ZFHX3: variants seen among roughly 807,000 people sequenced by gnomAD.
The protein encoded by ZFHX3 is zinc finger homeobox protein 3.
In ZFHX3, 42 loss-of-function variants were observed where a neutral mutation model predicts 279.1. The ratio of observed to expected loss-of-function variants is 0.15; its 90% confidence interval spans 0.12 to 0.19. The LOEUF (loss-of-function observed/expected upper bound fraction) is 0.19, where lower values mean the gene tolerates loss of function less well. Among genes scored for constraint, ZFHX3 ranks in the 10% least tolerant of loss-of-function variants. The probability of loss-of-function intolerance (pLI) is 1.00; values close to 1 mark genes in which losing one functional copy is unlikely to be tolerated. For missense variants in ZFHX3, 4,981 were observed against 4,754.0 expected, an observed-to-expected ratio of 1.05 and a Z score of -1.40; for synonymous variants, 2,293 against 1,957.8, an observed-to-expected ratio of 1.17 and a Z score of -4.52.
intron 3 of ZFHX3, among the ~76,000 whole-genome samples, chr16:72,945,864 G>A (rs1960644235): frequency 6.6e-6 from 1 of 151,888 alleles, no homozygotes; most frequent in Non-Finnish European, 1.5e-5. Context: ...AGGCCTCCAG[G>A]CACCACCTAC....
intron 8 of ZFHX3, among the ~76,000 whole-genome samples, chr16:73,089,755 C>T (rs1222915345): frequency 6.6e-6 from 1 of 152,214 alleles, no homozygotes; most frequent in Non-Finnish European, 1.5e-5. Context: ...GACCTGCAGG[C>T]TTTACTAATG....
intron 2 of ZFHX3, among the ~76,000 whole-genome samples, chr16:73,495,199 C>T (rs2019122183): frequency 6.6e-6 from 1 of 152,184 alleles, no homozygotes; most frequent in South Asian, 2.1e-4. Flanking sequence ...TGATCTAATG[C>T]ATAACCTGAT....
chr16:73,010,315 C>T (rs1963871138), intron 1 of ZFHX3, among the ~76,000 whole-genome samples: 1 of 152,160 alleles, frequency 6.6e-6, no homozygotes, highest in Admixed American at 6.5e-5. Flanking sequence ...GCACCGTTCC[C>T]CATTCATCCC....
At chr16:73,568,298 A>G (rs1420789828) in intron 2 of ZFHX3, among the ~76,000 whole-genome samples, 1 of 152,146 alleles carries the variant, frequency 6.6e-6, no homozygotes, top group Non-Finnish European at 1.5e-5. Context: ...TTTTCAGAAA[A>G]CAGTTTTAAG....
chr16:73,266,212 C>G lies in ZFHX3; in HGVS notation c.-1193-9076G>C, dbSNP rs111486165. 1.7e-3 allele frequency among the ~76,000 whole-genome samples: 265 copies of G among 152,278 alleles called. 2 individuals are homozygous for G. Among genetic ancestry groups the G allele is most frequent in the African/African-American group, 6.1e-3 (253 of 41,552 alleles). Reference sequence around the variant, plus strand: ...GCCTGTATCCAGTGGGCAGTTGCGACTGGGTTCTTTTCTCAATTCTAGTAT... The same window carrying G: ...GCCTGTATCCAGTGGGCAGTTGCGAGTGGGTTCTTTTCTCAATTCTAGTAT... On this transcript the variant is annotated intron_variant, in intron 4 of 17. Transcript: ENST00000641206.
chr16:72,956,554 C>T (rs2106260), intron 2 of ZFHX3, among the ~76,000 whole-genome samples: 350 of 152,266 alleles, frequency 2.3e-3, no homozygotes, highest in Non-Finnish European at 4.0e-3. Context: ...AAATCCTACA[C>T]TCTTGGTCCT....
At chr16:73,436,128 G>A (rs970605688) in intron 3 of ZFHX3, among the ~76,000 whole-genome samples, 2 of 152,226 alleles carry the variant, frequency 1.3e-5, no homozygotes, top group African/African-American at 4.8e-5. Flanking sequence ...TTGGGAGTTT[G>A]AGGCCAGCCT....
intron 7 of ZFHX3, among the ~76,000 whole-genome samples, chr16:73,116,691 A>C (rs1451107552): frequency 1.3e-5 from 2 of 152,208 alleles, no homozygotes; most frequent in African/African-American, 4.8e-5. Flanking sequence ...TTTTCCAGCA[A>C]GAAGTCAAAG....
intron 2 of ZFHX3, among the ~76,000 whole-genome samples, chr16:73,630,528 C>G (rs2052458719): frequency 6.6e-6 from 1 of 152,168 alleles, no homozygotes; most frequent in Non-Finnish European, 1.5e-5. Context: ...CAACTCCATA[C>G]TTAGGAAAGG....
At chr16:73,784,544 C>T (rs1364537374) in intron 1 of ZFHX3, among the ~76,000 whole-genome samples, 5 of 151,792 alleles carry the variant, frequency 3.3e-5, no homozygotes, top group African/African-American at 7.3e-5. Context: ...GTCAAGAGAT[C>T]GAGACAATCC....
intron 1 of ZFHX3, among the ~76,000 whole-genome samples, chr16:73,823,612 C>A (rs1160310264): frequency 1.3e-5 from 2 of 152,184 alleles, no homozygotes; most frequent in Admixed American, 1.3e-4. Flanking sequence ...TGAAATACAG[C>A]CACGCCCATT....
At chr16:73,212,717 T>G (rs1183306771) in intron 5 of ZFHX3, among the ~76,000 whole-genome samples, 5 of 152,206 alleles carry the variant, frequency 3.3e-5, no homozygotes, top group African/African-American at 4.8e-5. Flanking sequence ...CTTGTCTATG[T>G]GACTCGTGAC....
intron 1 of ZFHX3, among the ~76,000 whole-genome samples, chr16:73,785,612 G>A (rs910574156): frequency 2.6e-5 from 4 of 151,930 alleles, no homozygotes; most frequent in Admixed American, 6.6e-5. Context: ...CATCTTTATC[G>A]GTATAAAGGT....
chr16:73,004,687 C>T (rs1209385976), intron 1 of ZFHX3, among the ~76,000 whole-genome samples: 1 of 152,108 alleles, frequency 6.6e-6, no homozygotes, highest in East Asian at 1.9e-4. Context: ...CTCTAAACAC[C>T]TTTTCACAGT....
intron 3 of ZFHX3, among the ~76,000 whole-genome samples, chr16:73,414,437 A>C (rs988971211): frequency 6.6e-6 from 1 of 152,248 alleles, no homozygotes; most frequent in African/African-American, 2.4e-5. Context: ...CCAAATCTTC[A>C]CTACAAGGTG....
chr16:73,627,429 C>T (rs147195863), intron 2 of ZFHX3, among the ~76,000 whole-genome samples: 67 of 152,234 alleles, frequency 4.4e-4, no homozygotes, highest in Admixed American at 3.7e-3. Flanking sequence ...CTTTGCAAGC[C>T]GGAAAGTTTG....
intron 4 of ZFHX3, among the ~76,000 whole-genome samples, chr16:72,870,466 T>C (rs1436732194): frequency 6.6e-6 from 1 of 151,426 alleles, no homozygotes; most frequent in South Asian, 2.1e-4. Context: ...TCCCAGCACT[T>C]TGGGAGGCAG....
chr16:73,500,608 T>C (rs1284758575), intron 2 of ZFHX3, among the ~76,000 whole-genome samples: 2 of 145,316 alleles, frequency 1.4e-5, no homozygotes, highest in Non-Finnish European at 3.0e-5. Flanking sequence ...ATTACAGGTG[T>C]GAGCCACTGC....
chr16:73,586,192 G>A (rs1031611006), intron 2 of ZFHX3, among the ~76,000 whole-genome samples: 1 of 151,838 alleles, frequency 6.6e-6, no homozygotes, highest in African/African-American at 2.4e-5. Flanking sequence ...AGTTCAAGAT[G>A]AGCCTGGCCA....
Sources: allele counts gnomAD v4.1 joint callset (sites outside exome capture counted in the v4.1 genomes callset), GRCh38; gene constraint gnomAD v4.1.1; transcripts MANE v1.5; gene names NCBI Gene and HGNC (gene_info 2026-07-23, HGNC 2026-07-21).